MYO16: variants seen among roughly 807,000 people sequenced by gnomAD.
MYO16 encodes unconventional myosin-XVI.
In MYO16, 94 loss-of-function variants were observed where a neutral mutation model predicts 205.3. That is an observed-to-expected ratio of 0.46 (90% CI 0.39 to 0.54). MYO16 has a LOEUF of 0.54. Among genes scored for constraint, MYO16 ranks in the 20% least tolerant of loss-of-function variants. MYO16 has a pLI of 0.00. For missense variants in MYO16, 2,315 were observed against 2,387.5 expected (o/e 0.97, Z 0.63); for synonymous variants, 988 against 954.0 (o/e 1.04, Z -0.66).
At chr13:108,834,638 A>ACTCTCTCTCTCTCT (rs67472762) in intron 9 of MYO16, among the ~76,000 whole-genome samples, 2 of 90,286 alleles carry the variant, frequency 2.2e-5, no homozygotes, top group Non-Finnish European at 2.7e-5. Flanking sequence ...TCAGTCTTGT[A>ACTCTCTCTCTCTCT]CTCTCTCTCT....
At chr13:108,528,574 C>CTT in the MYO16 span, among the ~76,000 whole-genome samples, 2 of 120,244 alleles carry the variant, frequency 1.7e-5, no homozygotes, top group African/African-American at 6.6e-5. Context: ...CTCCTCTCCC[C>CTT]TCCCCTCCCC....
At chr13:108,746,917 A>G (rs1440343420) in intron 4 of MYO16, among the ~76,000 whole-genome samples, 1 of 152,034 alleles carries the variant, frequency 6.6e-6, no homozygotes, top group Admixed American at 6.5e-5. Context: ...TAGGCAGGAA[A>G]GATACCTTAT....
chr13:108,608,789 T>C (rs1031123230), intron 1 of MYO16, among the ~76,000 whole-genome samples: 3 of 151,966 alleles, frequency 2.0e-5, no homozygotes, highest in Non-Finnish European at 2.9e-5. Context: ...ATTACAGGCA[T>C]GCACCACCAT....
intron 1 of MYO16, among the ~76,000 whole-genome samples, chr13:108,608,440 C>T (rs781166421): frequency 1.3e-5 from 2 of 152,178 alleles, no homozygotes; most frequent in African/African-American, 2.4e-5. Flanking sequence ...CTCATCGGAC[C>T]TAGCCAGAAC....
intron 21 of MYO16, among the ~76,000 whole-genome samples, chr13:109,000,788 T>A (rs1885186228): frequency 6.6e-6 from 1 of 151,846 alleles, no homozygotes; most frequent in African/African-American, 2.4e-5. Flanking sequence ...ATAATTTTTT[T>A]AATATGTGTT....
intron 10 of MYO16, among the ~76,000 whole-genome samples, chr13:108,852,238 T>G (rs536821467): frequency 1.7e-3 from 264 of 152,286 alleles, no homozygotes; most frequent in African/African-American, 5.9e-3. Context: ...AGCCCCCCAG[T>G]AGGGGAAGTC....
the MYO16 span, among the ~76,000 whole-genome samples, chr13:108,496,894 A>G: frequency 7.4e-6 from 1 of 134,736 alleles, no homozygotes; most frequent in African/African-American, 2.8e-5. Context: ...AAATGAGCAG[A>G]GGGCTGACCT....
chr13:108,819,369 C>T (rs191369340), intron 7 of MYO16, among the ~76,000 whole-genome samples: 8 of 152,140 alleles, frequency 5.3e-5, no homozygotes, highest in East Asian at 3.9e-4. Flanking sequence ...AGAATCTATA[C>T]GATAGGATTT....
At chr13:108,644,763 G>T (rs1270000557) in intron 1 of MYO16, among the ~76,000 whole-genome samples, 1 of 152,052 alleles carries the variant, frequency 6.6e-6, no homozygotes, top group African/African-American at 2.4e-5. Context: ...GTCAATGAAG[G>T]CCATAGAAAG....
At chr13:108,551,870 AC>A in the MYO16 span, among the ~76,000 whole-genome samples, 160 of 152,284 alleles carry the variant, frequency 1.1e-3, 1 homozygote, top group Non-Finnish European at 1.8e-3. Context: ...CAAATACACT[AC>A]CAGTCAGGCT....
intron 4 of MYO16, among the ~76,000 whole-genome samples, chr13:108,728,451 T>A (rs1461908785): frequency 6.6e-6 from 1 of 152,168 alleles, no homozygotes; most frequent in African/African-American, 2.4e-5. Context: ...ACCGCCTAGT[T>A]GGTGGCTGAA....
rs111806943 is a variant in MYO16, at chr13:108,655,917, T to G, written c.29-9969T>G. Among the ~76,000 whole-genome samples, 871 of 152,300 alleles carry G rather than the reference T, an allele frequency of 5.7e-3. 16 individuals are homozygous for G. The highest frequency in any genetic ancestry group is 0.02 in the African/African-American group (835 of 41,578). On this transcript the variant is annotated intron_variant, in intron 1 of 34. Transcript: ENST00000457511. ...ACCCAATACCTGTACTAGCATTGTA[T>G]CTAGGAAGTAACTAGCTTGCTTTCG...
At chr13:109,078,916 G>T (rs1016497620) in intron 27 of MYO16, among the ~76,000 whole-genome samples, 20 of 152,062 alleles carry the variant, frequency 1.3e-4, no homozygotes, top group Non-Finnish European at 2.9e-4. Flanking sequence ...CACTCTGGTC[G>T]TCCTTTTCTG....
At chr13:109,005,037 A>C (rs1343511929) in intron 21 of MYO16, among the ~76,000 whole-genome samples, 1 of 152,202 alleles carries the variant, frequency 6.6e-6, no homozygotes, top group Non-Finnish European at 1.5e-5. Flanking sequence ...CTTGAAATCT[A>C]GTTGTCAGAA....
At chr13:108,852,617 T>G (rs1309845499) in intron 10 of MYO16, among the ~76,000 whole-genome samples, 5 of 152,202 alleles carry the variant, frequency 3.3e-5, no homozygotes, top group Non-Finnish European at 7.3e-5. Context: ...GCATCTTTGC[T>G]GAGAACAGCG....
intron 15 of MYO16, among the ~76,000 whole-genome samples, chr13:108,903,982 A>AT (rs1880840452): frequency 6.6e-6 from 1 of 152,140 alleles, no homozygotes; most frequent in African/African-American, 2.4e-5. Flanking sequence ...AGTTGTTACC[A>AT]TTTTATTGGA....
the MYO16 span, among the ~76,000 whole-genome samples, chr13:108,567,374 C>G: frequency 6.6e-6 from 1 of 151,998 alleles, no homozygotes; most frequent in South Asian, 2.1e-4. Flanking sequence ...GACTGATAAT[C>G]GAAGTTGATA....
chr13:109,111,585 A>G (rs1186410254), intron 28 of MYO16, among the ~76,000 whole-genome samples: 1 of 152,232 alleles, frequency 6.6e-6, no homozygotes, highest in African/African-American at 2.4e-5. Flanking sequence ...TTAATTTTGT[A>G]TGAAAATGAA....
intron 4 of MYO16, among the ~76,000 whole-genome samples, chr13:108,774,996 T>C (rs1016293043): frequency 6.6e-5 from 10 of 152,206 alleles, no homozygotes; most frequent in African/African-American, 2.4e-4. Context: ...AATGCTATTG[T>C]TCCTGTATTA....
Sources: allele counts gnomAD v4.1 joint callset (sites outside exome capture counted in the v4.1 genomes callset), GRCh38; gene constraint gnomAD v4.1.1; transcripts MANE v1.5; gene names NCBI Gene and HGNC (gene_info 2026-07-23, HGNC 2026-07-21).